GRIK2: variants seen among roughly 807,000 people sequenced by gnomAD.
GRIK2 encodes the protein glutamate ionotropic receptor kainate type subunit 2.
In GRIK2, 32 loss-of-function variants were observed where a neutral mutation model predicts 100.3. The observed-to-expected ratio is 0.32, with a 90% confidence interval of 0.24 to 0.43. GRIK2 has a LOEUF of 0.43. Among genes scored for constraint, GRIK2 ranks in the 20% least tolerant of loss-of-function variants. GRIK2 has a pLI of 1.00. For missense variants in GRIK2, 843 were observed against 1,114.9 expected, an observed-to-expected ratio of 0.76 and a Z score of 3.47; for synonymous variants, 417 against 389.4, an observed-to-expected ratio of 1.07 and a Z score of -0.83.
chr6:101,869,901 T>C (rs1785285519), intron 11 of GRIK2, among the ~76,000 whole-genome samples: 1 of 151,882 alleles, frequency 6.6e-6, no homozygotes, highest in African/African-American at 2.4e-5. Flanking sequence ...ATGCCTAGGC[T>C]ACATGAACTG....
At chr6:101,841,731 A>G (rs991963618) in intron 10 of GRIK2, among the ~76,000 whole-genome samples, 5 of 152,202 alleles carry the variant, frequency 3.3e-5, no homozygotes, top group African/African-American at 1.2e-4. Context: ...GTGGAAAACA[A>G]TAAGTTAGAC....
chr6:101,982,039 G>T (rs1238850441), intron 14 of GRIK2, among the ~76,000 whole-genome samples: 3 of 151,818 alleles, frequency 2.0e-5, no homozygotes, highest in Non-Finnish European at 4.4e-5. Context: ...GTCCCTGCCA[G>T]GCACTATATT....
chr6:101,530,242 C>T (rs946973386), intron 2 of GRIK2, among the ~76,000 whole-genome samples: 4 of 151,992 alleles, frequency 2.6e-5, no homozygotes, highest in Admixed American at 2.6e-4. Flanking sequence ...TAATTGTTTG[C>T]ATATATTTAA....
At chr6:102,044,740 C>G (rs1323219340) in intron 15 of GRIK2, among the ~76,000 whole-genome samples, 1 of 151,958 alleles carries the variant, frequency 6.6e-6, no homozygotes, top group African/African-American at 2.4e-5. Context: ...TTTATCCCCT[C>G]TTCCCTACAT....
At chr6:101,624,131 G>C (rs1191440525) in intron 3 of GRIK2, among the ~76,000 whole-genome samples, 4 of 151,878 alleles carry the variant, frequency 2.6e-5, no homozygotes, top group Non-Finnish European at 4.4e-5. Flanking sequence ...TAAATACTTT[G>C]ATGTATTAGA....
chr6:101,640,772 C>T (rs1340538375), intron 4 of GRIK2, among the ~76,000 whole-genome samples: 3 of 151,758 alleles, frequency 2.0e-5, no homozygotes, highest in Admixed American at 1.3e-4. Context: ...TCTGGGTAAT[C>T]GTGATGCCAT....
At chr6:101,707,552 G>A (rs151005066) in intron 7 of GRIK2, among the ~76,000 whole-genome samples, 1 of 107,768 alleles carries the variant, frequency 9.3e-6, no homozygotes, top group African/African-American at 5.5e-5. Context: ...ATGTATATAT[G>A]TGTATATATA....
At chr6:101,623,703 A>G (rs893909798) in intron 3 of GRIK2, among the ~76,000 whole-genome samples, 2 of 152,168 alleles carry the variant, frequency 1.3e-5, no homozygotes, top group Non-Finnish European at 2.9e-5. Flanking sequence ...CCAAAATATT[A>G]TAAGAAATTT....
chr6:101,423,903 G>T (rs1227057224), intron 2 of GRIK2, among the ~76,000 whole-genome samples: 1 of 152,074 alleles, frequency 6.6e-6, no homozygotes, highest in Non-Finnish European at 1.5e-5. Context: ...CAATAGCCAA[G>T]ATATGGAAAC....
intron 14 of GRIK2, among the ~76,000 whole-genome samples, chr6:102,027,146 G>A (rs1475694459): frequency 6.6e-6 from 1 of 151,172 alleles, no homozygotes; most frequent in Non-Finnish European, 1.5e-5. Context: ...TATTATTATA[G>A]CACTATAGCC....
intron 4 of GRIK2, among the ~76,000 whole-genome samples, chr6:101,672,234 C>T (rs1266033062): frequency 6.6e-6 from 1 of 152,110 alleles, no homozygotes; most frequent in Non-Finnish European, 1.5e-5. Flanking sequence ...TTGTTAAATT[C>T]AATAATCATT....
intron 10 of GRIK2, among the ~76,000 whole-genome samples, chr6:101,828,539 A>G (rs1782478886): frequency 6.6e-6 from 1 of 151,948 alleles, no homozygotes; most frequent in South Asian, 2.1e-4. Flanking sequence ...TTAACAAAGA[A>G]TGAAAAGAGA....
At chr6:101,970,102 A>C (rs1185186745) in intron 14 of GRIK2, among the ~76,000 whole-genome samples, 1 of 152,012 alleles carries the variant, frequency 6.6e-6, no homozygotes, top group Admixed American at 6.6e-5. Context: ...TGGTGTTTGA[A>C]ACCTTATACA....
intron 2 of GRIK2, among the ~76,000 whole-genome samples, chr6:101,480,872 G>A (rs796252440): frequency 5.9e-5 from 9 of 152,238 alleles, no homozygotes; most frequent in African/African-American, 2.2e-4. Flanking sequence ...AGAAACATGG[G>A]ATCAATTGTT....
intron 11 of GRIK2, among the ~76,000 whole-genome samples, chr6:101,876,256 C>G (rs950364362): frequency 6.6e-6 from 1 of 151,454 alleles, no homozygotes; most frequent in African/African-American, 2.4e-5. Context: ...GTACATTTTT[C>G]CTCCTTATAA....
At chr6:101,891,096 G>A (rs893438491) in intron 12 of GRIK2, among the ~76,000 whole-genome samples, 9 of 149,562 alleles carry the variant, frequency 6.0e-5, no homozygotes, top group African/African-American at 2.0e-4. Context: ...AAGGGTATTT[G>A]TAAATAATCG....
chr6:101,850,950 G>A (rs1402735335), intron 10 of GRIK2, among the ~76,000 whole-genome samples: 2 of 152,060 alleles, frequency 1.3e-5, no homozygotes, highest in Non-Finnish European at 2.9e-5. Context: ...GTGAAACAGA[G>A]AAAGAGAGCT....
chr6:101,890,986 TATATATATATA>T (rs1330014668), intron 12 of GRIK2, among the ~76,000 whole-genome samples: 1 of 12,076 alleles, frequency 8.3e-5, no homozygotes, highest in African/African-American at 3.8e-3. Flanking sequence ...CATATATATA[TATATATATATA>T]TATATATGTT....
chr6:101,595,714 GTGTGTATATATATA>G (rs1189313071), intron 2 of GRIK2, among the ~76,000 whole-genome samples: 1 of 129,620 alleles, frequency 7.7e-6, no homozygotes, highest in Non-Finnish European at 1.7e-5. Flanking sequence ...GTGTGTGTGT[GTGTGTATATATATA>G]TATATATATA....
Sources: allele counts gnomAD v4.1 joint callset (sites outside exome capture counted in the v4.1 genomes callset), GRCh38; gene constraint gnomAD v4.1.1; transcripts MANE v1.5; gene names NCBI Gene and HGNC (gene_info 2026-07-23, HGNC 2026-07-21).